RMDN2: variants seen among roughly 807,000 people sequenced by gnomAD.
RMDN2 encodes the protein regulator of microtubule dynamics 2.
Under a neutral mutation model 52.8 loss-of-function variants are expected in RMDN2, and 61 were observed. The ratio of observed to expected loss-of-function variants is 1.16; its 90% CI spans 0.94 to 1.43. The LOEUF is 1.43. Ranked by LOEUF, RMDN2 falls within the 40% of genes most tolerant of loss-of-function variation. RMDN2 has a pLI of 0.00. For missense variants in RMDN2, 592 were observed against 475.3 expected, an observed-to-expected ratio of 1.25 and a Z score of -2.28; for synonymous variants, 180 against 153.1, an observed-to-expected ratio of 1.18 and a Z score of -1.30.
At chr2:38,063,062 G>A (rs1055716647) in intron 10 of RMDN2, among the ~76,000 whole-genome samples, 1 of 152,128 alleles carries the variant, frequency 6.6e-6, no homozygotes, top group African/African-American at 2.4e-5. Flanking sequence ...ATTGTGAATA[G>A]TGCCACTATA....
chr2:37,973,753 C>T (rs1450942442), intron 2 of RMDN2, among the ~76,000 whole-genome samples: 2 of 151,948 alleles, frequency 1.3e-5, no homozygotes, highest in African/African-American at 2.4e-5. Flanking sequence ...GTGGAGGTTC[C>T]GAGGTAGGCA....
intron 2 of RMDN2, among the ~76,000 whole-genome samples, chr2:37,966,056 C>CATTCAGTACTTTAAGT (rs1178564285): frequency 6.6e-6 from 1 of 152,124 alleles, no homozygotes; most frequent in Non-Finnish European, 1.5e-5. Flanking sequence ...TTGTCTTTAG[C>CATTCAGTACTTTAAGT]ATTCAGTACT....
intron 10 of RMDN2, among the ~76,000 whole-genome samples, chr2:38,024,389 T>C (rs113080161): frequency 1.1e-4 from 16 of 152,196 alleles, no homozygotes; most frequent in African/African-American, 3.4e-4. Flanking sequence ...CATTTCACAT[T>C]CTCACCAACA....
chr2:38,017,124 G>C lies in RMDN2; in HGVS notation c.1180-62G>C, dbSNP rs1678910708. ...CTCAAGTCAGTGTAAGTCTGTTTCA[G>C]CATGCTAGAGTATCAAGATGAATGC... is the stretch of plus-strand genomic sequence containing the variant. On this transcript the variant is annotated intron_variant, in intron 10 of 10. Coordinates refer to ENST00000354545, the MANE Select transcript of RMDN2 (RefSeq NM_001170791.3). 7 of 1,065,344 alleles carry C rather than the reference G, an allele frequency of 6.6e-6. No individual in the cohort carries two copies. The East Asian group carries it at 1.9e-4, about 29-fold the overall frequency. 66.0% of individuals were successfully genotyped at this position (1,065,344 alleles called of 1,614,324 possible).
intron 5 of RMDN2, among the ~76,000 whole-genome samples, chr2:37,981,901 TA>T (rs1361735462): frequency 6.6e-6 from 1 of 152,010 alleles, no homozygotes; most frequent in East Asian, 1.9e-4. Flanking sequence ...AAATATAAAT[TA>T]TAAATTATAA....
intron 2 of RMDN2, among the ~76,000 whole-genome samples, chr2:37,972,469 G>A (rs1283375522): frequency 6.6e-6 from 1 of 152,198 alleles, no homozygotes; most frequent in Non-Finnish European, 1.5e-5. Context: ...AAGCAGGAAA[G>A]TGATAGAAGA....
At chr2:38,061,145 G>A (rs1010851758) in intron 10 of RMDN2, among the ~76,000 whole-genome samples, 1 of 152,180 alleles carries the variant, frequency 6.6e-6, no homozygotes, top group African/African-American at 2.4e-5. Flanking sequence ...GAACAAGTGA[G>A]TAGTCAGGGA....
intron 5 of RMDN2, among the ~76,000 whole-genome samples, chr2:37,984,646 G>T (rs866784019): frequency 5.3e-5 from 8 of 152,242 alleles, no homozygotes; most frequent in Middle Eastern, 6.8e-3. Flanking sequence ...GAGAAATACT[G>T]CAGGGAAATT....
At chr2:37,965,071 A>G (rs1263656296) in intron 2 of RMDN2, among the ~76,000 whole-genome samples, 1 of 152,016 alleles carries the variant, frequency 6.6e-6, no homozygotes, top group African/African-American at 2.4e-5. Context: ...TACTGTTTTC[A>G]TGAAATATGT....
intron 5 of RMDN2, among the ~76,000 whole-genome samples, chr2:37,985,378 T>TTTATTTA (rs58839115): frequency 0.036 from 5,493 of 151,588 alleles, 317 homozygotes; most frequent in African/African-American, 0.12. Flanking sequence ...ATGATCTGTT[T>TTTATTTA]TTTATTTATT....
At chr2:37,990,527 A>C in intron 6 of RMDN2, among the ~76,000 whole-genome samples, 1 of 149,470 alleles carries the variant, frequency 6.7e-6, no homozygotes, top group Non-Finnish European at 1.5e-5. Flanking sequence ...TCAAAAAAAA[A>C]AAAAAAAAAA....
intron 2 of RMDN2, 124 bp from the exon 3 acceptor site, chr2:37,973,916 A>G (rs1672121031): frequency 8.4e-6 from 6 of 715,044 alleles, no homozygotes; most frequent in African/African-American, 1.8e-5. Flanking sequence ...TTCTGAGTGA[A>G]AGCACGTGCC....
At chr2:37,993,695 G>T (rs1675125374) in intron 7 of RMDN2, among the ~76,000 whole-genome samples, 1 of 142,092 alleles carries the variant, frequency 7.0e-6, no homozygotes, top group African/African-American at 2.6e-5. Flanking sequence ...CTAGAGACCT[G>T]AGCAGAGCAG....
intron 10 of RMDN2, among the ~76,000 whole-genome samples, chr2:38,044,500 C>G (rs562474158): frequency 1.3e-5 from 2 of 151,558 alleles, no homozygotes; most frequent in African/African-American, 4.8e-5. Context: ...TTGTTATTCC[C>G]ATTTCCCATT....
chr2:38,002,306 A>G (rs748192847), intron 8 of RMDN2, among the ~76,000 whole-genome samples: 5 of 152,218 alleles, frequency 3.3e-5, no homozygotes, highest in Non-Finnish European at 5.9e-5. Flanking sequence ...GCATATGGGA[A>G]AAAGTATGTT....
intron 8 of RMDN2, among the ~76,000 whole-genome samples, chr2:38,002,151 C>T (rs1676405870): frequency 6.6e-6 from 1 of 152,068 alleles, no homozygotes; most frequent in African/African-American, 2.4e-5. Flanking sequence ...GGGATGTGCC[C>T]TTATAAGGTG....
chr2:38,017,416 A>G lies in RMDN2; in HGVS notation c.*177A>G. On this transcript the variant is annotated 3_prime_UTR_variant, in exon 11 of 11. Coordinates refer to ENST00000354545, the MANE Select transcript of RMDN2 (RefSeq NM_001170791.3). ...GTAGCACTACAAAATTAATTATGTTATTTGGAGAATCTATATACTATAATG... is the reference window on the plus strand; with the variant it reads ...GTAGCACTACAAAATTAATTATGTTGTTTGGAGAATCTATATACTATAATG... 3 of 1,302,642 alleles carry G rather than the reference A, an allele frequency of 2.3e-6. No homozygotes were observed. Among genetic ancestry groups the G allele is most frequent in the Non-Finnish European group, 3.0e-6 (3 of 997,070 alleles). The allele number at this position is 1,302,642 out of a possible 1,614,324, so 80.7% of individuals were successfully genotyped here.
At chr2:38,040,727 T>A (rs1197613451) in intron 10 of RMDN2, among the ~76,000 whole-genome samples, 1 of 152,254 alleles carries the variant, frequency 6.6e-6, no homozygotes, top group East Asian at 1.9e-4. Flanking sequence ...CATATAAAAT[T>A]TAGAATCAGA....
chr2:38,026,592 T>G (rs1331516197), intron 10 of RMDN2, among the ~76,000 whole-genome samples: 1 of 152,150 alleles, frequency 6.6e-6, no homozygotes, highest in Non-Finnish European at 1.5e-5. Context: ...AGACTTTACT[T>G]GTTTTCTCTT....
Sources: gnomAD v4.1 joint callset for allele counts (sites outside exome capture counted in the v4.1 genomes callset) on GRCh38, gnomAD v4.1.1 for gene constraint, MANE v1.5 for transcripts, NCBI Gene and HGNC (gene_info 2026-07-23, HGNC 2026-07-21) for gene names.